Variants in NKAIN3 observed in about 807,000 individuals in gnomAD.
The protein encoded by NKAIN3 is sodium/potassium transporting ATPase interacting 3.
In NKAIN3, 25 loss-of-function variants were observed where a neutral mutation model predicts 30.2. The observed-to-expected ratio is 0.83, with a 90% CI of 0.60 to 1.16. The LOEUF is 1.16. NKAIN3 is among the 50% of genes most tolerant of loss of function. The pLI, the probability that NKAIN3 is intolerant of heterozygous loss-of-function variation, is 0.00. For missense variants in NKAIN3, 225 were observed against 254.1 expected (o/e 0.89, Z 0.78); for synonymous variants, 91 against 89.6 (o/e 1.02, Z -0.09).
At chr8:62,792,614 T>C (rs1174182572) in intron 4 of NKAIN3, among the ~76,000 whole-genome samples, 1 of 152,168 alleles carries the variant, frequency 6.6e-6, no homozygotes, top group Non-Finnish European at 1.5e-5. Context: ...CAGGTAATAG[T>C]AGCTCAGTGT....
intron 1 of NKAIN3, among the ~76,000 whole-genome samples, chr8:62,525,073 A>C (rs555574099): frequency 1.1e-3 from 173 of 152,208 alleles, no homozygotes; most frequent in African/African-American, 3.9e-3. Flanking sequence ...ATTTCATATA[A>C]ATTTCTTCAA....
chr8:62,474,921 A>G (rs1482710250), intron 1 of NKAIN3, among the ~76,000 whole-genome samples: 1 of 152,212 alleles, frequency 6.6e-6, no homozygotes, highest in African/African-American at 2.4e-5. Context: ...TTCTTACAGT[A>G]TGTGAGAGAT....
chr8:62,557,331 A>G (rs1332316223), intron 1 of NKAIN3, among the ~76,000 whole-genome samples: 1 of 152,016 alleles, frequency 6.6e-6, no homozygotes, highest in Non-Finnish European at 1.5e-5. Context: ...TTGGTTCTAC[A>G]TTGTTGCAGT....
intron 4 of NKAIN3, among the ~76,000 whole-genome samples, chr8:62,767,138 ATGG>A (rs759116930): frequency 1.8e-4 from 27 of 152,086 alleles, no homozygotes; most frequent in Non-Finnish European, 3.5e-4. Context: ...TTCCCTCCGC[ATGG>A]TGAAGGTGGG....
At chr8:62,877,468 G>A (rs188104975) in intron 4 of NKAIN3, among the ~76,000 whole-genome samples, 180 of 152,314 alleles carry the variant, frequency 1.2e-3, no homozygotes, top group African/African-American at 4.2e-3. Context: ...GGATGGCAGA[G>A]CACTAGCTGA....
intron 1 of NKAIN3, among the ~76,000 whole-genome samples, chr8:62,521,252 A>C (rs901923655): frequency 5.3e-5 from 8 of 151,992 alleles, no homozygotes; most frequent in Admixed American, 5.2e-4. Context: ...AGGAAAACCC[A>C]TGGGTAGAAA....
At chr8:62,601,942 G>T (rs967179507) in intron 3 of NKAIN3, among the ~76,000 whole-genome samples, 2 of 151,928 alleles carry the variant, frequency 1.3e-5, no homozygotes, top group African/African-American at 4.8e-5. Flanking sequence ...GAGATAATTT[G>T]ATTCCTCCTG....
chr8:62,552,387 T>C (rs1445859001), intron 1 of NKAIN3, among the ~76,000 whole-genome samples: 1 of 152,184 alleles, frequency 6.6e-6, no homozygotes, highest in Non-Finnish European at 1.5e-5. Context: ...TGATCTGTCA[T>C]AATGCAAAAC....
At chr8:62,883,963 A>T (rs553778792) in intron 4 of NKAIN3, among the ~76,000 whole-genome samples, 1 of 152,266 alleles carries the variant, frequency 6.6e-6, no homozygotes, top group Non-Finnish European at 1.5e-5. Flanking sequence ...TGTGCCTATG[A>T]TCCTGTGATT....
intron 4 of NKAIN3, among the ~76,000 whole-genome samples, chr8:62,818,900 A>G (rs1042431505): frequency 2.0e-5 from 3 of 151,996 alleles, no homozygotes; most frequent in African/African-American, 7.2e-5. Flanking sequence ...TGATATGAAT[A>G]AAAAGCATGC....
At position 62,531,466 on chromosome 8, in the gene NKAIN3, C is replaced by T. The variant is rs1808488410; in HGVS notation, c.55-48073C>T. Among the ~76,000 whole-genome samples the T allele has an allele frequency of 2.0e-5, 3 of 152,154 alleles. No individual in the cohort carries two copies. In the South Asian group the frequency reaches 6.2e-4, roughly 32 times the overall value. On this transcript the variant is annotated intron_variant, in intron 1 of 6. Coordinates refer to ENST00000623646, the MANE Select transcript of NKAIN3 (RefSeq NM_001304533.3). ...TAAAACTTCAATAATAGTGGTTTCT[C>T]CGTGCCTGTATTCTCAGTAGAAAGC...
At chr8:62,815,294 A>T (rs570692399) in intron 4 of NKAIN3, among the ~76,000 whole-genome samples, 2 of 152,240 alleles carry the variant, frequency 1.3e-5, no homozygotes, top group South Asian at 4.1e-4. Flanking sequence ...CAGAGGTACA[A>T]GGAGGAACTG....
chr8:62,830,964 C>T (rs1194735346), intron 4 of NKAIN3, among the ~76,000 whole-genome samples: 1 of 152,166 alleles, frequency 6.6e-6, no homozygotes, highest in African/African-American at 2.4e-5. Context: ...GAGCAAGAAG[C>T]TCAGACTGCC....
At chr8:62,459,439 T>C (rs1387321390) in intron 1 of NKAIN3, among the ~76,000 whole-genome samples, 1 of 152,222 alleles carries the variant, frequency 6.6e-6, no homozygotes, top group African/African-American at 2.4e-5. Context: ...ACATACTCAG[T>C]ACATGTCTAT....
intron 1 of NKAIN3, among the ~76,000 whole-genome samples, chr8:62,283,450 G>T (rs1813270063): frequency 6.6e-6 from 1 of 151,998 alleles, no homozygotes; most frequent in African/African-American, 2.4e-5. Context: ...TTGGATCCCT[G>T]GTTTGGTCCA....
At chr8:62,790,198 C>T (rs952780807) in intron 4 of NKAIN3, among the ~76,000 whole-genome samples, 3 of 152,022 alleles carry the variant, frequency 2.0e-5, no homozygotes, top group African/African-American at 7.2e-5. Flanking sequence ...ATAAACAGAA[C>T]CAAAGACAAA....
intron 4 of NKAIN3, among the ~76,000 whole-genome samples, chr8:62,831,609 A>C (rs1819199421): frequency 6.6e-6 from 1 of 152,140 alleles, no homozygotes; most frequent in Non-Finnish European, 1.5e-5. Context: ...AATAGACTAG[A>C]CCAAGCAGAA....
chr8:62,997,762 A>C (rs1804152803), intron 5 of NKAIN3, among the ~76,000 whole-genome samples: 1 of 152,168 alleles, frequency 6.6e-6, no homozygotes, highest in South Asian at 2.1e-4. Context: ...CTTTAAAAAA[A>C]AAAAAAAAAG....
At chr8:62,438,508 C>T (rs1226234507) in intron 1 of NKAIN3, among the ~76,000 whole-genome samples, 2 of 152,140 alleles carry the variant, frequency 1.3e-5, no homozygotes, top group African/African-American at 2.4e-5. Context: ...TACCTCTCTC[C>T]TGCTCTGGCT....
Sources: gnomAD v4.1 joint callset for allele counts (sites outside exome capture counted in the v4.1 genomes callset) on GRCh38, gnomAD v4.1.1 for gene constraint, MANE v1.5 for transcripts, NCBI Gene and HGNC (gene_info 2026-07-23, HGNC 2026-07-21) for gene names.